CSMD1: variants seen among roughly 807,000 people sequenced by gnomAD.
The protein encoded by CSMD1 is CUB and sushi domain-containing protein 1.
CSMD1 carries 213 observed loss-of-function variants against 417.5 expected under a neutral mutation model. That is an observed-to-expected ratio of 0.51 (90% CI 0.46 to 0.57). The LOEUF (loss-of-function observed/expected upper bound fraction) is 0.57, where lower values mean the gene tolerates loss of function less well. CSMD1 is among the 20% of genes least tolerant of loss of function. CSMD1 has a pLI of 0.00. For missense variants in CSMD1, 6,923 were observed against 4,529.7 expected, an observed-to-expected ratio of 1.53 and a Z score of -15.17; for synonymous variants, 2,862 against 1,736.8, an observed-to-expected ratio of 1.65 and a Z score of -16.11.
intron 3 of CSMD1, among the ~76,000 whole-genome samples, chr8:4,154,267 T>TA (rs1796714520): frequency 7.0e-6 from 1 of 141,942 alleles, no homozygotes; most frequent in African/African-American, 2.4e-5. Context: ...ACAGTAATGC[T>TA]AAAAAATAAA....
intron 41 of CSMD1, among the ~76,000 whole-genome samples, chr8:3,125,427 G>C (rs1817452517): frequency 6.6e-6 from 1 of 152,166 alleles, no homozygotes; most frequent in East Asian, 1.9e-4. Context: ...TAAATGGGTT[G>C]TAAACATATA....
At chr8:3,912,297 T>C (rs947046493) in intron 5 of CSMD1, among the ~76,000 whole-genome samples, 4 of 152,206 alleles carry the variant, frequency 2.6e-5, no homozygotes, top group Non-Finnish European at 5.9e-5. Flanking sequence ...GTGAATATTT[T>C]ATATTTTAGT....
At chr8:3,742,722 G>C (rs1404019394) in intron 6 of CSMD1, among the ~76,000 whole-genome samples, 2 of 151,250 alleles carry the variant, frequency 1.3e-5, no homozygotes, top group African/African-American at 2.4e-5. Context: ...TAGGATCAGA[G>C]AGAGAGAGAG....
chr8:4,705,723 G>C (rs949496167), intron 1 of CSMD1, among the ~76,000 whole-genome samples: 2 of 151,950 alleles, frequency 1.3e-5, no homozygotes, highest in African/African-American at 4.8e-5. Context: ...GAAACCATTT[G>C]GACATTACAA....
intron 41 of CSMD1, among the ~76,000 whole-genome samples, chr8:3,140,206 C>T (rs1380765): frequency 6.6e-6 from 1 of 152,002 alleles, no homozygotes; most frequent in Non-Finnish European, 1.5e-5. Context: ...CACCCAGCCC[C>T]GATTACCCTT....
At chr8:4,297,324 T>A (rs914411376) in intron 3 of CSMD1, among the ~76,000 whole-genome samples, 1 of 152,118 alleles carries the variant, frequency 6.6e-6, no homozygotes, top group Non-Finnish European at 1.5e-5. Flanking sequence ...AAAACCTGTT[T>A]AATCCAAATC....
rs143498386 is a variant in CSMD1, at chr8:3,485,423, G to C, written c.1448+8200C>G. ...ACAGGGAGTTGGCTATGATTATTAA[G>C]GAAAATATGAGGGAACTTTGGGGTA... On this transcript the variant is annotated intron_variant, in intron 11 of 69. Coordinates refer to ENST00000635120, the MANE Select transcript of CSMD1 (RefSeq NM_033225.6). Among the ~76,000 whole-genome samples, 35 of 151,992 alleles carry C rather than the reference G, an allele frequency of 2.3e-4. No homozygotes were observed. In the East Asian group the frequency reaches 5.4e-3, roughly 23 times the overall value.
chr8:3,391,187 G>C (rs1811325148), intron 17 of CSMD1, among the ~76,000 whole-genome samples: 1 of 151,860 alleles, frequency 6.6e-6, no homozygotes, highest in African/African-American at 2.4e-5. Context: ...CAATTGGTGT[G>C]GTGTGCACGC....
intron 5 of CSMD1, among the ~76,000 whole-genome samples, chr8:3,901,647 C>G (rs1228810240): frequency 6.6e-6 from 1 of 152,204 alleles, no homozygotes; most frequent in Non-Finnish European, 1.5e-5. Context: ...TATCTGGCTC[C>G]TCCAATTTAT....
chr8:3,411,740 A>G (rs1490646701), intron 12 of CSMD1, among the ~76,000 whole-genome samples: 4 of 133,412 alleles, frequency 3.0e-5, no homozygotes, highest in East Asian at 2.9e-4. Context: ...ATACACGTGT[A>G]TATATACACG....
At chr8:3,753,195 G>A (rs775516420) in intron 6 of CSMD1, among the ~76,000 whole-genome samples, 1 of 152,144 alleles carries the variant, frequency 6.6e-6, no homozygotes, top group South Asian at 2.1e-4. Context: ...TAGGCACTTT[G>A]ATTGGGAAGG....
chr8:4,312,410 T>TGTATATATATGCGCGTATATATATATGC (rs1798671099), intron 3 of CSMD1, among the ~76,000 whole-genome samples: 1 of 124,626 alleles, frequency 8.0e-6, no homozygotes, highest in Non-Finnish European at 1.5e-5. Context: ...TATATATGCG[T>TGTATATATATGCGCGTATATATATATGC]GTATATATAT....
chr8:3,916,237 T>C (rs1369136773), intron 5 of CSMD1, among the ~76,000 whole-genome samples: 1 of 152,022 alleles, frequency 6.6e-6, no homozygotes, highest in Non-Finnish European at 1.5e-5. Context: ...ATTTATGAGG[T>C]GTAACGAAAA....
chr8:3,413,293 G>C (rs1812930945), intron 12 of CSMD1, among the ~76,000 whole-genome samples: 1 of 152,044 alleles, frequency 6.6e-6, no homozygotes, highest in Non-Finnish European at 1.5e-5. Context: ...AATTAACTCA[G>C]GGAGCTCTAC....
chr8:4,236,428 T>C (rs947671341), intron 3 of CSMD1, among the ~76,000 whole-genome samples: 4 of 152,130 alleles, frequency 2.6e-5, no homozygotes, highest in Non-Finnish European at 5.9e-5. Flanking sequence ...ATTTTTCTCC[T>C]ACACCCCGGG....
intron 5 of CSMD1, among the ~76,000 whole-genome samples, chr8:3,860,248 A>T (rs1264812032): frequency 6.6e-6 from 1 of 152,178 alleles, no homozygotes. Context: ...ACTCTGTTTC[A>T]GTCAGACCAT....
At chr8:3,511,010 G>C (rs947369240) in intron 10 of CSMD1, among the ~76,000 whole-genome samples, 2 of 151,884 alleles carry the variant, frequency 1.3e-5, no homozygotes, top group East Asian at 3.9e-4. Context: ...ACCAAACAAA[G>C]AAAACGTGGC....
chr8:4,915,571 G>A (rs1351761744), intron 1 of CSMD1, among the ~76,000 whole-genome samples: 2 of 152,200 alleles, frequency 1.3e-5, no homozygotes, highest in African/African-American at 2.4e-5. Flanking sequence ...CTGCAGTAGA[G>A]GGCAGGAGCA....
intron 2 of CSMD1, among the ~76,000 whole-genome samples, chr8:4,484,199 C>G (rs1264991298): frequency 7.6e-6 from 1 of 131,318 alleles, no homozygotes; most frequent in Non-Finnish European, 1.6e-5. Flanking sequence ...TTGGATGACA[C>G]GAAAAAAAAA....
Sources: allele counts gnomAD v4.1 joint callset (sites outside exome capture counted in the v4.1 genomes callset), GRCh38; gene constraint gnomAD v4.1.1; transcripts MANE v1.5; gene names NCBI Gene and HGNC (gene_info 2026-07-23, HGNC 2026-07-21).